Variants in KLHL4 observed in about 807,000 individuals in gnomAD.
The protein encoded by KLHL4 is kelch like family member 4.
KLHL4 carries 17 observed loss-of-function variants against 45.8 expected under a neutral mutation model. The ratio of observed to expected loss-of-function variants is 0.37; its 90% CI spans 0.25 to 0.56. KLHL4 has a LOEUF of 0.56. KLHL4 is among the 20% of genes least tolerant of loss of function. The probability of loss-of-function intolerance (pLI) is 0.79; values close to 1 mark genes in which losing one functional copy is unlikely to be tolerated. For synonymous variants in KLHL4, 224 were observed against 189.9 expected (o/e 1.18, Z -1.47); for missense variants, 544 against 544.9 (o/e 1.00, Z 0.02).
chrX:87,660,579 T>A (rs1924154920), intron 9 of KLHL4, among the ~76,000 whole-genome samples: 1 of 112,376 alleles, frequency 8.9e-6, no homozygotes, highest in Middle Eastern at 4.2e-3. Flanking sequence ...GCGCGGTGCC[T>A]CACACCTGTA....
intron 1 of KLHL4, among the ~76,000 whole-genome samples, chrX:87,579,000 A>G (rs780242123): frequency 8.9e-6 from 1 of 111,989 alleles, no homozygotes; most frequent in Non-Finnish European, 1.9e-5. Context: ...TTCTTCAACT[A>G]GAACAGTAAT....
chrX:87,528,115 C>CA (rs1239225450), intron 1 of KLHL4, among the ~76,000 whole-genome samples: 1 of 110,644 alleles, frequency 9.0e-6, no homozygotes, highest in African/African-American at 3.3e-5. Flanking sequence ...CAACATGATA[C>CA]AAAAAAATTC....
intron 1 of KLHL4, among the ~76,000 whole-genome samples, chrX:87,585,858 T>C (rs1453377401): frequency 1.8e-5 from 2 of 111,036 alleles, no homozygotes; most frequent in African/African-American, 6.5e-5. Flanking sequence ...ACAAGACTCA[T>C]TGATCTTTTG....
chrX:87,551,455 C>A (rs1931815657), intron 1 of KLHL4, among the ~76,000 whole-genome samples: 1 of 111,094 alleles, frequency 9.0e-6, no homozygotes, highest in South Asian at 3.7e-4. Flanking sequence ...ACACAATCCC[C>A]ATGAAAATAC....
chrX:87,571,508 A>G (rs766481293), intron 1 of KLHL4, among the ~76,000 whole-genome samples: 4 of 111,422 alleles, frequency 3.6e-5, no homozygotes, highest in Non-Finnish European at 7.6e-5. Context: ...ATTTAACTGT[A>G]TAAAGAAACA....
At chrX:87,648,666 T>C (rs1602463801) in intron 9 of KLHL4, among the ~76,000 whole-genome samples, 1 of 111,525 alleles carries the variant, frequency 9.0e-6, no homozygotes, top group South Asian at 3.7e-4. Context: ...TTATTTTTTT[T>C]CTGATAAATG....
chrX:87,617,857 A>G (rs1165472115), intron 3 of KLHL4, 75 bp from the exon 4 acceptor site: 3 of 903,053 alleles, frequency 3.3e-6, no homozygotes, highest in African/African-American at 2.0e-5. Context: ...AAAATAAAAA[A>G]AAAATGTCAA....
At chrX:87,532,115 G>A (rs1469125018) in intron 1 of KLHL4, among the ~76,000 whole-genome samples, 1 of 109,858 alleles carries the variant, frequency 9.1e-6, no homozygotes, top group Non-Finnish European at 1.9e-5. Flanking sequence ...TTTGTATAAG[G>A]TGTAAGGAAG....
At chrX:87,569,673 C>T (rs1932291777) in intron 1 of KLHL4, among the ~76,000 whole-genome samples, 1 of 111,409 alleles carries the variant, frequency 9.0e-6, no homozygotes, top group South Asian at 3.7e-4. Flanking sequence ...CATGTTAAAA[C>T]ATGGATAAGC....
intron 1 of KLHL4, among the ~76,000 whole-genome samples, chrX:87,571,067 C>T (rs927625663): frequency 9.0e-6 from 1 of 110,509 alleles, no homozygotes; most frequent in African/African-American, 3.3e-5. Context: ...TTATTTTAAA[C>T]CTGTATCAAC....
intron 1 of KLHL4, among the ~76,000 whole-genome samples, chrX:87,565,888 A>G (rs1211345516): frequency 9.1e-6 from 1 of 109,780 alleles, no homozygotes; most frequent in Non-Finnish European, 1.9e-5. Flanking sequence ...CTGAAAAGGC[A>G]TATGACAATT....
In KLHL4 at chrX:87,625,725, GC is replaced by G. The variant is rs1468281110; in HGVS notation, c.1256del (p.Pro419LeufsTer16). The G allele has an allele frequency of 8.3e-7, 1 of 1,209,735 alleles. No homozygotes were observed. The highest frequency in any genetic ancestry group is 1.1e-6 in the Non-Finnish European group (1 of 894,287). ...LLPERRSMMQ[S>X]PRTKPRKSTV... is the part of the protein sequence containing the mutation. ...CCTGAGAGAAGATCCATGATGCAAAGCCCTCGGACAAAGCCTAGAAAATCAA... is the reference window on the plus strand; with the variant it reads ...CCTGAGAGAAGATCCATGATGCAAAGCCTCGGACAAAGCCTAGAAAATCAA... On this transcript the variant is annotated frameshift_variant, in exon 6 of 11. Transcript: ENST00000373119. LOFTEE classifies it high-confidence loss of function.
At chrX:87,623,166 T>C (rs755629742) in intron 5 of KLHL4, among the ~76,000 whole-genome samples, 1 of 111,635 alleles carries the variant, frequency 9.0e-6, no homozygotes, top group South Asian at 3.7e-4. Context: ...CAGAGACGTA[T>C]AGATTTAGTG....
At chrX:87,594,392 A>G (rs1921772275) in intron 1 of KLHL4, among the ~76,000 whole-genome samples, 1 of 111,743 alleles carries the variant, frequency 8.9e-6, no homozygotes, top group Admixed American at 9.6e-5. Context: ...TACGGTTTCA[A>G]GGTACCTGTG....
chrX:87,667,038 C>T lies in KLHL4; in HGVS notation c.*504C>T. On this transcript the variant is annotated 3_prime_UTR_variant, in exon 11 of 11. Coordinates refer to ENST00000373119, the MANE Select transcript of KLHL4 (RefSeq NM_019117.5). ...CCTATTCAAATAATATCCCAAAGAG[C>T]TAAACAATTCCTTACATTTACCAAG... 1 of 736,294 alleles carries T rather than the reference C, an allele frequency of 1.4e-6. No homozygotes were observed. 60.7% of individuals were successfully genotyped at this position (736,294 alleles called of 1,213,427 possible).
intron 1 of KLHL4, among the ~76,000 whole-genome samples, chrX:87,553,786 T>C (rs959230680): frequency 9.0e-6 from 1 of 111,415 alleles, no homozygotes; most frequent in Non-Finnish European, 1.9e-5. Flanking sequence ...AAAACCTAAA[T>C]AGCTTCACAT....
intron 9 of KLHL4, among the ~76,000 whole-genome samples, chrX:87,660,664 A>G (rs1214854983): frequency 1.8e-5 from 2 of 111,748 alleles, no homozygotes; most frequent in East Asian, 5.7e-4. Flanking sequence ...GACCAACATG[A>G]CAAAACCCCA....
chrX:87,645,025 G>A (rs1923586421), intron 9 of KLHL4, among the ~76,000 whole-genome samples: 1 of 111,799 alleles, frequency 8.9e-6, no homozygotes, highest in Admixed American at 9.5e-5. Flanking sequence ...AAAAGCACAT[G>A]CAATAAAAAC....
At chrX:87,652,558 G>A (rs1336199486) in intron 9 of KLHL4, among the ~76,000 whole-genome samples, 2 of 111,926 alleles carry the variant, frequency 1.8e-5, no homozygotes, top group Non-Finnish European at 3.8e-5. Flanking sequence ...CAGTCTCTTT[G>A]CTAAAACAAA....
Sources: gnomAD v4.1 joint callset for allele counts (sites outside exome capture counted in the v4.1 genomes callset) on GRCh38, gnomAD v4.1.1 for gene constraint, MANE v1.5 for transcripts, NCBI Gene and HGNC (gene_info 2026-07-23, HGNC 2026-07-21) for gene names.